Variants in PTAR1 observed in about 807,000 individuals in gnomAD.
PTAR1 encodes the protein protein prenyltransferase alpha subunit repeat containing 1, also known as protein prenyltransferase alpha subunit repeat-containing protein 1.
PTAR1 carries 17 observed loss-of-function variants against 45.5 expected under a neutral mutation model. The observed-to-expected ratio is 0.37, with a 90% CI of 0.26 to 0.56. The LOEUF (loss-of-function observed/expected upper bound fraction) is 0.56, where lower values mean the gene tolerates loss of function less well. Ranked by LOEUF, PTAR1 falls within the 20% of genes least tolerant of loss-of-function variation. The pLI, the probability that PTAR1 is intolerant of heterozygous loss-of-function variation, is 0.77. For missense variants in PTAR1, 391 were observed against 476.3 expected (o/e 0.82, Z 1.67); for synonymous variants, 169 against 171.3 (o/e 0.99, Z 0.11).
intron 1 of PTAR1, 79 bp from the exon 2 acceptor site, chr9:69,751,029 T>G (rs961353471): frequency 4.0e-6 from 4 of 1,004,182 alleles, no homozygotes; most frequent in Non-Finnish European, 5.7e-6. Flanking sequence ...CAGAGTATTT[T>G]AAAAACCCCA....
intron 5 of PTAR1, among the ~76,000 whole-genome samples, chr9:69,727,496 T>C (rs1825341299): frequency 1.1e-5 from 1 of 88,394 alleles, no homozygotes; most frequent in South Asian, 5.1e-4. Context: ...TAAAGTTCAA[T>C]TTGGTATTTA....
Position 69,723,462 on chromosome 9 carries a change from G to A in PTAR1, c.811C>T (p.Pro271Ser), listed in dbSNP as rs1346303234. 1 of 1,613,816 alleles carries A rather than the reference G, an allele frequency of 6.2e-7. No individual in the cohort carries two copies. The highest frequency in any genetic ancestry group is 1.1e-5 in the South Asian group (1 of 91,086). The change falls in exon 6 of 8, where the codon CCT (proline) becomes TCT (serine). Residue 271 changes from proline to serine, a missense_variant. By Grantham distance (74) the Pro-to-Ser change is moderately conservative. Transcript: ENST00000340434. ...ACTGCTGCTTCTTCATCTTTTGGAGGAACTAGGGCTGGCTCACTTCTCAAA... is the reference window on the plus strand; with the variant it reads ...ACTGCTGCTTCTTCATCTTTTGGAGAAACTAGGGCTGGCTCACTTCTCAAA... The part of the protein sequence containing the change: ...NPLRSEPALV[P>S]PKDEEAAVST...
intron 5 of PTAR1, among the ~76,000 whole-genome samples, chr9:69,727,333 A>C (rs1195160941): frequency 6.6e-6 from 1 of 151,572 alleles, no homozygotes; most frequent in African/African-American, 2.4e-5. Context: ...CACAACCCCT[A>C]CTCCTGCAAT....
chr9:69,718,805 C>A, intron 6 of PTAR1, 121 bp from the exon 7 acceptor site: 1 of 648,620 alleles, frequency 1.5e-6, no homozygotes, highest in Non-Finnish European at 2.5e-6. Context: ...CATTTCATAA[C>A]CAAGTTATAC....
chr9:69,739,928 T>TCTAAACATCTAG, intron 3 of PTAR1, among the ~76,000 whole-genome samples: 1 of 152,206 alleles, frequency 6.6e-6, no homozygotes, highest in Non-Finnish European at 1.5e-5. Context: ...GTTAGATTTA[T>TCTAAACATCTAG]GGAGCAACTT....
intron 6 of PTAR1, among the ~76,000 whole-genome samples, chr9:69,721,979 G>C (rs1825031766): frequency 6.6e-6 from 1 of 152,134 alleles, no homozygotes; most frequent in Admixed American, 6.5e-5. Flanking sequence ...TATCTCTGAG[G>C]TATGCCAGTA....
intron 2 of PTAR1, among the ~76,000 whole-genome samples, chr9:69,748,156 G>C (rs938452407): frequency 6.6e-6 from 1 of 152,098 alleles, no homozygotes; most frequent in African/African-American, 2.4e-5. Flanking sequence ...CAAAGAAATG[G>C]AGAGCAGAAG....
rs556518049 is a variant in PTAR1, at chr9:69,732,178, G to T, written c.603C>A (p.Arg201=). 8.1e-6 allele frequency: 13 copies of T among 1,613,518 alleles called. No individual in the cohort carries two copies. In the African/African-American group the frequency reaches 1.5e-4, roughly 18 times the overall value. Residue 201 remains arginine (R), a synonymous_variant, in exon 5 of 8, where the codon CGC becomes CGA. Coordinates refer to ENST00000340434, the MANE Select transcript of PTAR1 (RefSeq NM_001099666.2). ...YPSNYNAWSH[R]IWVLQHLAKL... ...TGGCCAAGTGCTGTAAAACCCAGATGCGATGGGACCAAGCATTATAGTTGC... is the reference window on the plus strand; with the variant it reads ...TGGCCAAGTGCTGTAAAACCCAGATTCGATGGGACCAAGCATTATAGTTGC...
Position 69,712,003 on chromosome 9 carries a change from C to A in PTAR1, c.*6339G>T, listed in dbSNP as rs1199416621. 1 of 152,042 alleles carries A rather than the reference C, an allele frequency of 6.6e-6. No homozygotes were observed. The highest frequency in any genetic ancestry group is 1.5e-5 in the Non-Finnish European group (1 of 67,984). The allele number at this position is 152,042 out of a possible 1,614,324, so 9.4% of individuals were successfully genotyped here. On this transcript the variant is annotated 3_prime_UTR_variant, in exon 8 of 8. Coordinates refer to ENST00000340434, the MANE Select transcript of PTAR1 (RefSeq NM_001099666.2). Reference sequence around the variant, plus strand: ...GTCTTTAACTAATAAGAAAAAAATACCTGCTCCAAATGCAAGATGATATTT... The same window carrying A: ...GTCTTTAACTAATAAGAAAAAAATAACTGCTCCAAATGCAAGATGATATTT...
chr9:69,742,122 T>G (rs116521280), intron 2 of PTAR1, among the ~76,000 whole-genome samples: 2,391 of 152,256 alleles, frequency 0.016, 70 homozygotes, highest in African/African-American at 0.055. Flanking sequence ...CTAATTAACC[T>G]CTTCCTTTTG....
chr9:69,737,085 A>C (rs1315618955), intron 3 of PTAR1, among the ~76,000 whole-genome samples: 3 of 151,690 alleles, frequency 2.0e-5, no homozygotes, highest in African/African-American at 7.3e-5. Flanking sequence ...ATCTAGTGCT[A>C]TATATTTTTT....
intron 1 of PTAR1, chr9:69,757,970 G>A (rs1224674850): frequency 1.3e-5 from 2 of 152,110 alleles, no homozygotes; most frequent in Non-Finnish European, 2.9e-5. Flanking sequence ...AAATGTTTAA[G>A]ACCTATATTA....
At chr9:69,722,939 C>CAAAAAAA (rs35037746) in intron 6 of PTAR1, among the ~76,000 whole-genome samples, 2 of 99,848 alleles carry the variant, frequency 2.0e-5, no homozygotes, top group African/African-American at 3.8e-5. Context: ...AACTCTATCT[C>CAAAAAAA]AAAAAAAAAA....
intron 4 of PTAR1, among the ~76,000 whole-genome samples, chr9:69,732,998 T>C (rs1825611417): frequency 6.6e-6 from 1 of 152,198 alleles, no homozygotes; most frequent in Admixed American, 6.5e-5. Flanking sequence ...CTACTTAATG[T>C]GTTTACTTTG....
intron 1 of PTAR1, 36 bp downstream of exon 1, chr9:69,759,817 G>A (rs1827005842): frequency 1.3e-6 from 2 of 1,505,706 alleles, no homozygotes; most frequent in African/African-American, 2.9e-5. Flanking sequence ...GCCCGCTCCC[G>A]ACGACCCTCG....
rs532909581 is a variant in PTAR1, at chr9:69,715,946, G to T, written c.*2396C>A. The T allele has an allele frequency of 1.3e-5, 2 of 152,140 alleles. No individual in the cohort carries two copies. Among genetic ancestry groups the T allele is most frequent in the South Asian group, 4.1e-4 (2 of 4,826 alleles). 9.4% of individuals were successfully genotyped at this position (152,140 alleles called of 1,614,324 possible). Reference sequence around the variant, plus strand: ...AACAAGACATATTAAAGGACTGTGCGGCTTCAGAAAAGAGTGGGTTAAGAG... The same window carrying T: ...AACAAGACATATTAAAGGACTGTGCTGCTTCAGAAAAGAGTGGGTTAAGAG... On this transcript the variant is annotated 3_prime_UTR_variant, in exon 8 of 8. Transcript: ENST00000340434.
At chr9:69,722,276 A>T (rs1251143283) in intron 6 of PTAR1, among the ~76,000 whole-genome samples, 4 of 152,214 alleles carry the variant, frequency 2.6e-5, no homozygotes, top group African/African-American at 9.6e-5. Context: ...TACAAATACA[A>T]TGCTATGGCC....
In PTAR1 at chr9:69,714,647, CGTATCTT is replaced by C. The variant is rs1193548069; in HGVS notation, c.*3688_*3694del. ...ATAAAAATCCAAAAACTTTTGTTTC[CGTATCTT>C]GTATCACATAAGCCCTTATTTAAAA... On this transcript the variant is annotated 3_prime_UTR_variant, in exon 8 of 8. Transcript: ENST00000340434. 6.6e-6 allele frequency: 1 copy of C among 152,012 alleles called. No homozygotes were observed. 9.4% of individuals were successfully genotyped at this position (152,012 alleles called of 1,614,324 possible).
chr9:69,740,864 A>C (rs1158716516), intron 3 of PTAR1, among the ~76,000 whole-genome samples: 1 of 152,226 alleles, frequency 6.6e-6, no homozygotes, highest in Non-Finnish European at 1.5e-5. Context: ...ACAAGTATAA[A>C]TATATTTAAT....
Sources: allele counts gnomAD v4.1 joint callset (sites outside exome capture counted in the v4.1 genomes callset), GRCh38; gene constraint gnomAD v4.1.1; transcripts MANE v1.5; gene names NCBI Gene and HGNC (gene_info 2026-07-23, HGNC 2026-07-21).